CLIP1: variants seen among roughly 807,000 people sequenced by gnomAD.
The protein encoded by CLIP1 is CAP-Gly domain containing linker protein 1.
CLIP1 carries 66 observed loss-of-function variants against 161.6 expected under a neutral mutation model. The observed-to-expected ratio is 0.41, with a 90% CI of 0.33 to 0.50. The LOEUF (loss-of-function observed/expected upper bound fraction) is 0.50. CLIP1 is among the 20% of genes least tolerant of loss of function. The pLI is 0.27. For synonymous variants in CLIP1, 598 were observed against 626.2 expected, an observed-to-expected ratio of 0.96 and a Z score of 0.67; for missense variants, 1,376 against 1,702.0, an observed-to-expected ratio of 0.81 and a Z score of 3.37.
Position 122,376,706 on chromosome 12 carries a change from G to A in CLIP1, c.657+683C>T, listed in dbSNP as rs896679717. On this transcript the variant is annotated intron_variant, in intron 3 of 25. Transcript: ENST00000620786. The stretch of plus-strand genomic sequence containing the variant: ...AGGATGGTCTTGATCTCCTGACCTC[G>A]TGATCCACCCACCTGGGACTCCCAA... 2.0e-5 allele frequency among the ~76,000 whole-genome samples: 3 copies of A among 151,902 alleles called. 1 individual carries two copies. The highest frequency in any genetic ancestry group is 7.3e-5 in the African/African-American group (3 of 41,314).
At position 122,375,548 on chromosome 12, in the gene CLIP1, C is replaced by G. The variant is rs1954679134; in HGVS notation, c.657+1841G>C. Among the ~76,000 whole-genome samples, 3 of 152,164 alleles carry G rather than the reference C, an allele frequency of 2.0e-5. No homozygotes were observed. In the South Asian group the frequency reaches 6.2e-4, roughly 32 times the overall value. ...ACCAGGCTGGTCTTGAACTCCTGAC[C>G]TTAGGTGATATGCCTGCCTCGGCCT... On this transcript the variant is annotated intron_variant, in intron 3 of 25. Coordinates refer to ENST00000620786, the MANE Select transcript of CLIP1 (RefSeq NM_001247997.2).
At chr12:122,417,610 T>C (rs1956801239) in intron 1 of CLIP1, among the ~76,000 whole-genome samples, 1 of 149,400 alleles carries the variant, frequency 6.7e-6, no homozygotes, top group Non-Finnish European at 1.5e-5. Flanking sequence ...CCTCCTGGGT[T>C]CACACCATTC....
At chr12:122,368,802 G>A (rs987304204) in intron 3 of CLIP1, among the ~76,000 whole-genome samples, 3 of 151,704 alleles carry the variant, frequency 2.0e-5, no homozygotes, top group African/African-American at 7.3e-5. Context: ...ATGGTGGCAA[G>A]CACCTGTAAT....
chr12:122,388,507 C>T (rs1482889740), intron 1 of CLIP1, among the ~76,000 whole-genome samples: 1 of 152,124 alleles, frequency 6.6e-6, no homozygotes, highest in African/African-American at 2.4e-5. Context: ...GCGTGAGCCA[C>T]CACCCGGCCA....
intron 3 of CLIP1, chr12:122,364,878 A>C (rs577232451): frequency 5.9e-4 from 380 of 642,884 alleles, no homozygotes; most frequent in African/African-American, 4.9e-3. Flanking sequence ...ATATATGCAA[A>C]TCTATAAGAA....
intron 20 of CLIP1, among the ~76,000 whole-genome samples, chr12:122,299,056 G>C (rs553452729): frequency 6.6e-6 from 1 of 152,198 alleles, no homozygotes; most frequent in Non-Finnish European, 1.5e-5. Flanking sequence ...GAGAGTGCAC[G>C]TGTCACCTTA....
intron 3 of CLIP1, chr12:122,365,627 G>C (rs1954107030): frequency 2.1e-6 from 2 of 944,194 alleles, no homozygotes. Flanking sequence ...TGAATTCATG[G>C]CATAATAGAT....
At chr12:122,291,846 C>T (rs1450359905) in intron 20 of CLIP1, among the ~76,000 whole-genome samples, 1 of 152,152 alleles carries the variant, frequency 6.6e-6, no homozygotes, top group African/African-American at 2.4e-5. Context: ...CAAACTTTTA[C>T]CTACTTGTTT....
chr12:122,283,403 A>C (rs1009137488), intron 21 of CLIP1, among the ~76,000 whole-genome samples: 1 of 151,792 alleles, frequency 6.6e-6, no homozygotes, highest in African/African-American at 2.4e-5. Flanking sequence ...AAGAAAAAAA[A>C]CCCCACAGCA....
In CLIP1 at chr12:122,272,701, C is replaced by A; in HGVS notation, c.*174G>T. 1.7e-6 allele frequency: 1 copy of A among 603,718 alleles called. No homozygotes were observed. The highest frequency in any genetic ancestry group is 2.1e-5 in the South Asian group (1 of 47,776). The allele number at this position is 603,718 out of a possible 1,614,324, so 37.4% of individuals were successfully genotyped here. A position where few individuals can be genotyped will look rare whatever the true frequency, so the allele number is the denominator to read the frequency against. ...ACCTACTAAATATTTATTATTCTAACTCATACGGGGAGACTAAAGGGCAAT... is the reference window on the plus strand; with the variant it reads ...ACCTACTAAATATTTATTATTCTAAATCATACGGGGAGACTAAAGGGCAAT... On this transcript the variant is annotated 3_prime_UTR_variant, in exon 26 of 26. Coordinates refer to ENST00000620786, the MANE Select transcript of CLIP1 (RefSeq NM_001247997.2).
chr12:122,360,360 G>A (rs1953711815), intron 5 of CLIP1, among the ~76,000 whole-genome samples: 2 of 146,048 alleles, frequency 1.4e-5, no homozygotes, highest in Admixed American at 7.1e-5. Flanking sequence ...GATCGCTTGA[G>A]CCTAAGAATT....
At chr12:122,318,936 TGTA>T (rs1566110373) in intron 18 of CLIP1, among the ~76,000 whole-genome samples, 4 of 152,306 alleles carry the variant, frequency 2.6e-5, no homozygotes, top group African/African-American at 9.6e-5. Context: ...ATGTGTGTGA[TGTA>T]AGATCAAGGA....
intron 19 of CLIP1, among the ~76,000 whole-genome samples, chr12:122,316,161 G>A (rs1951261507): frequency 6.6e-6 from 1 of 151,180 alleles, no homozygotes. Flanking sequence ...AAGACCAAAT[G>A]TTAAGACTGG....
rs563685569 is a variant in CLIP1, at chr12:122,335,326, G to A, written c.2569-621C>T. ...CTAGATAGGATTATGAAAAGATGGT[G>A]CAGGGGCCACAGTGCATCCAAGCCC... On this transcript the variant is annotated intron_variant, in intron 12 of 25. Coordinates refer to ENST00000620786, the MANE Select transcript of CLIP1 (RefSeq NM_001247997.2). 3.9e-5 allele frequency among the ~76,000 whole-genome samples: 6 copies of A among 152,162 alleles called. No individual in the cohort carries two copies. The South Asian group carries it at 1.0e-3, about 26-fold the overall frequency.
At chr12:122,389,632 G>A (rs1955496032) in intron 1 of CLIP1, among the ~76,000 whole-genome samples, 1 of 151,872 alleles carries the variant, frequency 6.6e-6, no homozygotes, top group Non-Finnish European at 1.5e-5. Context: ...GGTGGTGCAT[G>A]CCTGTAGGCC....
intron 12 of CLIP1, 26 bp downstream of exon 12, chr12:122,336,606 G>T: frequency 1.7e-6 from 2 of 1,166,716 alleles, no homozygotes; most frequent in Non-Finnish European, 2.6e-6. Flanking sequence ...GAAACCCTGA[G>T]ATTCAGATTC....
intron 1 of CLIP1, among the ~76,000 whole-genome samples, chr12:122,404,607 A>G (rs1956256016): frequency 1.3e-5 from 2 of 150,634 alleles, no homozygotes; most frequent in African/African-American, 2.4e-5. Context: ...CTGAAAACAA[A>G]AAACAAAGGC....
At chr12:122,289,686 T>C (rs1415652551) in intron 20 of CLIP1, among the ~76,000 whole-genome samples, 2 of 152,146 alleles carry the variant, frequency 1.3e-5, no homozygotes, top group Admixed American at 1.3e-4. Context: ...TATTATCTCA[T>C]GAAGGATAAA....
intron 4 of CLIP1, 118 bp downstream of exon 4, chr12:122,363,865 A>G (rs1220011805): frequency 2.8e-6 from 4 of 1,411,452 alleles, no homozygotes; most frequent in Non-Finnish European, 3.9e-6. Context: ...GTCTTAGGAA[A>G]TAAAAGTGCC....
Sources: gnomAD v4.1 joint callset for allele counts (sites outside exome capture counted in the v4.1 genomes callset) on GRCh38, gnomAD v4.1.1 for gene constraint, MANE v1.5 for transcripts, NCBI Gene and HGNC (gene_info 2026-07-23, HGNC 2026-07-21) for gene names.